Variants in SETBP1 observed in about 807,000 individuals in gnomAD.
SETBP1 encodes the protein SET binding protein 1.
A neutral mutation model predicts 101.0 loss-of-function variants in SETBP1; 9 were observed. That is an observed-to-expected ratio of 0.09 (90% CI 0.05 to 0.16). The LOEUF is 0.16. SETBP1 is among the 10% of genes least tolerant of loss of function. The pLI is 1.00. For synonymous variants in SETBP1, 818 were observed against 788.5 expected, an observed-to-expected ratio of 1.04 and a Z score of -0.63; for missense variants, 1,858 against 2,033.8, an observed-to-expected ratio of 0.91 and a Z score of 1.66.
At chr18:44,875,086 A>G (rs1244420901) in intron 3 of SETBP1, among the ~76,000 whole-genome samples, 1 of 152,078 alleles carries the variant, frequency 6.6e-6, no homozygotes, top group East Asian at 1.9e-4. Context: ...CAGCTCTTTT[A>G]TTTTGTAAAA....
At chr18:44,758,678 G>A (rs749045999) in intron 2 of SETBP1, among the ~76,000 whole-genome samples, 3 of 152,160 alleles carry the variant, frequency 2.0e-5, no homozygotes, top group Admixed American at 2.0e-4. Context: ...CACCACGCCC[G>A]GCCTGAAAGA....
chr18:44,947,786 T>A (rs1220088431), intron 3 of SETBP1, among the ~76,000 whole-genome samples: 1 of 152,168 alleles, frequency 6.6e-6, no homozygotes, highest in African/African-American at 2.4e-5. Context: ...ACTACAGGCG[T>A]GAGCCACTAC....
chr18:44,877,522 C>T (rs2069435257), intron 3 of SETBP1: 2 of 243,862 alleles, frequency 8.2e-6, no homozygotes, highest in Admixed American at 6.5e-5. Flanking sequence ...ATCTTTCTTG[C>T]TACTTTTAGG....
At chr18:45,045,531 G>A (rs1426580815) in intron 5 of SETBP1, among the ~76,000 whole-genome samples, 1 of 151,182 alleles carries the variant, frequency 6.6e-6, no homozygotes, top group African/African-American at 2.5e-5. Flanking sequence ...TCCTTGGGGA[G>A]GCCCAAAGGG....
intron 2 of SETBP1, among the ~76,000 whole-genome samples, chr18:44,716,422 G>A (rs544061718): frequency 2.0e-5 from 3 of 152,266 alleles, no homozygotes; most frequent in African/African-American, 7.2e-5. Context: ...AGTCACACCC[G>A]GATCCTACTG....
chr18:44,787,448 C>T (rs1244050531), intron 2 of SETBP1, among the ~76,000 whole-genome samples: 3 of 152,060 alleles, frequency 2.0e-5, no homozygotes, highest in African/African-American at 7.3e-5. Context: ...TGGGAGCAGG[C>T]GCTCTTCATT....
intron 3 of SETBP1, among the ~76,000 whole-genome samples, chr18:44,879,238 C>T (rs2069477507): frequency 6.6e-6 from 1 of 152,180 alleles, no homozygotes; most frequent in African/African-American, 2.4e-5. Flanking sequence ...GAACATTTTC[C>T]ATTACTTTAT....
chr18:44,695,954 T>C (rs905640349), intron 1 of SETBP1, among the ~76,000 whole-genome samples: 3 of 152,106 alleles, frequency 2.0e-5, no homozygotes, highest in Admixed American at 1.3e-4. Context: ...AATTCATTTC[T>C]TTTGACTCCT....
chr18:44,894,457 T>A (rs796320514), intron 3 of SETBP1, among the ~76,000 whole-genome samples: 10 of 152,152 alleles, frequency 6.6e-5, no homozygotes, highest in African/African-American at 2.4e-4. Context: ...AATATTGGGC[T>A]TGTTGGATTG....
intron 5 of SETBP1, among the ~76,000 whole-genome samples, chr18:45,048,569 A>G (rs1466322912): frequency 6.6e-6 from 1 of 152,202 alleles, no homozygotes; most frequent in Non-Finnish European, 1.5e-5. Context: ...GTTAGTGGCT[A>G]TATCAAGCTC....
chr18:44,833,665 T>G (rs2072427597), intron 2 of SETBP1, among the ~76,000 whole-genome samples: 1 of 152,200 alleles, frequency 6.6e-6, no homozygotes, highest in Admixed American at 6.5e-5. Flanking sequence ...AAGGCAGACA[T>G]GCAAAGGTGG....
intron 5 of SETBP1, among the ~76,000 whole-genome samples, chr18:45,051,090 G>A (rs2073713084): frequency 6.6e-6 from 1 of 152,084 alleles, no homozygotes; most frequent in South Asian, 2.1e-4. Flanking sequence ...TTATTTATAT[G>A]AGAGCATATG....
intron 2 of SETBP1, among the ~76,000 whole-genome samples, chr18:44,730,984 C>A (rs1371090250): frequency 1.3e-5 from 2 of 152,120 alleles, no homozygotes; most frequent in African/African-American, 2.4e-5. Flanking sequence ...GTGACATTGC[C>A]CCACTTGTGA....
intron 2 of SETBP1, among the ~76,000 whole-genome samples, chr18:44,749,851 G>C (rs1358674887): frequency 6.6e-6 from 1 of 152,298 alleles, no homozygotes; most frequent in East Asian, 1.9e-4. Context: ...TCATTCACTT[G>C]TTGTTTTCTG....
intron 5 of SETBP1, among the ~76,000 whole-genome samples, chr18:45,054,360 G>C (rs2073772827): frequency 1.3e-5 from 2 of 152,040 alleles, no homozygotes; most frequent in South Asian, 2.1e-4. Flanking sequence ...GCTACTTTTT[G>C]TATTTTTAGT....
At chr18:44,880,144 G>A (rs978089794) in intron 3 of SETBP1, among the ~76,000 whole-genome samples, 2 of 152,160 alleles carry the variant, frequency 1.3e-5, no homozygotes, top group Non-Finnish European at 2.9e-5. Flanking sequence ...AGGACTTGGG[G>A]ATTTTTTAGG....
chr18:44,794,054 A>AT (rs544289723), intron 2 of SETBP1, among the ~76,000 whole-genome samples: 2 of 152,264 alleles, frequency 1.3e-5, no homozygotes, highest in South Asian at 2.1e-4. Context: ...GACTGAACAG[A>AT]TTTTTTGGAG....
chr18:44,748,747 C>T (rs993357636), intron 2 of SETBP1, among the ~76,000 whole-genome samples: 4 of 152,220 alleles, frequency 2.6e-5, no homozygotes, highest in Admixed American at 2.0e-4. Context: ...CAGATCCAGA[C>T]ATAAAGATCA....
intron 2 of SETBP1, among the ~76,000 whole-genome samples, chr18:44,731,716 G>A (rs1306527483): frequency 6.6e-6 from 1 of 151,992 alleles, no homozygotes; most frequent in Non-Finnish European, 1.5e-5. Flanking sequence ...GTGACTGACT[G>A]CAATTAAACA....
Sources: gnomAD v4.1 joint callset for allele counts (sites outside exome capture counted in the v4.1 genomes callset) on GRCh38, gnomAD v4.1.1 for gene constraint, MANE v1.5 for transcripts, NCBI Gene and HGNC (gene_info 2026-07-23, HGNC 2026-07-21) for gene names.